MPPED2: variants seen among roughly 807,000 people sequenced by gnomAD.
The protein encoded by MPPED2 is metallophosphoesterase domain containing 2, also known as metallophosphoesterase MPPED2.
A neutral mutation model predicts 33.0 loss-of-function variants in MPPED2; 5 were observed. The ratio of observed to expected loss-of-function variants is 0.15; its 90% CI spans 0.08 to 0.32. The LOEUF (loss-of-function observed/expected upper bound fraction) is 0.32. MPPED2 is among the 10% of genes least tolerant of loss of function. The pLI is 1.00. For synonymous variants in MPPED2, 136 were observed against 141.9 expected, an observed-to-expected ratio of 0.96 and a Z score of 0.29; for missense variants, 275 against 372.1, an observed-to-expected ratio of 0.74 and a Z score of 2.15.
chr11:30,586,024 C>G lies in MPPED2; in HGVS notation c.-122+18G>C, dbSNP rs1428260924. The G allele has an allele frequency of 1.3e-5, 2 of 152,432 alleles. No individual in the cohort carries two copies. The highest frequency in any genetic ancestry group is 3.9e-4 in the East Asian group (2 of 5,134). The allele number at this position is 152,432 out of a possible 1,614,324, so 9.4% of individuals were successfully genotyped here. The stretch of plus-strand genomic sequence containing the variant: ...TCCCCCTCCCCCGCCCTCCGCCTCC[C>G]TTCCCGGGGCGGATTACCTTTCCCG... On this transcript the variant is annotated intron_variant, in intron 1 of 6. Coordinates refer to ENST00000358117, the MANE Select transcript of MPPED2 (RefSeq NM_001584.3). The surrounding 1 kb of genome is among the most constrained non-coding windows in gnomAD (Gnocchi z 4.8).
At chr11:30,504,638 C>T (rs900443048) in intron 3 of MPPED2, 3 of 525,740 alleles carry the variant, frequency 5.7e-6, no homozygotes, top group East Asian at 1.4e-4. Flanking sequence ...CCACCAGAAA[C>T]ATTCAGTCAG....
intron 6 of MPPED2, among the ~76,000 whole-genome samples, chr11:30,403,133 G>C (rs547603777): frequency 2.0e-4 from 31 of 152,180 alleles, no homozygotes; most frequent in African/African-American, 6.0e-4. Context: ...TGTAGTCCCA[G>C]CTACTCGCGA....
At chr11:30,501,644 G>C in intron 3 of MPPED2, 1 of 977,676 alleles carries the variant, frequency 1.0e-6, no homozygotes, top group African/African-American at 1.7e-5. Context: ...TTTCTCTCAA[G>C]AGTGACTACT....
intron 4 of MPPED2, among the ~76,000 whole-genome samples, chr11:30,476,391 T>A (rs191309068): frequency 0.015 from 2,283 of 152,114 alleles, 63 homozygotes; most frequent in African/African-American, 0.05. Flanking sequence ...TTTCATTTTT[T>A]AAAAAAATTT....
intron 2 of MPPED2, among the ~76,000 whole-genome samples, chr11:30,577,010 C>G (rs1179792244): frequency 6.6e-6 from 1 of 152,140 alleles, no homozygotes; most frequent in East Asian, 1.9e-4. Flanking sequence ...TTTGAAACAT[C>G]AGCTCTGAAA....
chr11:30,577,627 C>A (rs577559441), intron 2 of MPPED2, among the ~76,000 whole-genome samples: 3 of 152,250 alleles, frequency 2.0e-5, no homozygotes, highest in African/African-American at 7.2e-5. Flanking sequence ...CTTAACATAA[C>A]AGAAATATGA....
intron 3 of MPPED2, among the ~76,000 whole-genome samples, chr11:30,522,387 TACACACACACACACACACAC>T (rs60549510): frequency 6.8e-6 from 1 of 146,282 alleles, no homozygotes; most frequent in African/African-American, 2.5e-5. Flanking sequence ...CAGGAAAACA[TACACACACACACACACACAC>T]ACACACACAC....
At chr11:30,485,308 C>T (rs1295332715) in intron 4 of MPPED2, among the ~76,000 whole-genome samples, 2 of 148,132 alleles carry the variant, frequency 1.4e-5, no homozygotes, top group South Asian at 2.2e-4. Context: ...AACAATTTTA[C>T]GTCTGGTACC....
At chr11:30,527,322 T>C (rs1954250609) in intron 3 of MPPED2, among the ~76,000 whole-genome samples, 1 of 152,070 alleles carries the variant, frequency 6.6e-6, no homozygotes, top group South Asian at 2.1e-4. Context: ...ATCAGAAATC[T>C]TAAATGTGTG....
chr11:30,559,725 A>T (rs556487208), intron 2 of MPPED2, among the ~76,000 whole-genome samples: 83 of 152,206 alleles, frequency 5.5e-4, no homozygotes, highest in Non-Finnish European at 9.0e-4. Context: ...TTTTTATTCC[A>T]TGTGAGGCAT....
At chr11:30,399,903 A>C (rs142679950) in intron 6 of MPPED2, among the ~76,000 whole-genome samples, 12 of 152,350 alleles carry the variant, frequency 7.9e-5, no homozygotes, top group African/African-American at 1.2e-4. Context: ...TCTGACAGCA[A>C]AGACAGACTG....
intron 4 of MPPED2, among the ~76,000 whole-genome samples, chr11:30,419,012 C>A (rs540212696): frequency 6.6e-6 from 1 of 152,292 alleles, no homozygotes; most frequent in Admixed American, 6.5e-5. Context: ...AAAGGAGAAA[C>A]TAGGAAAGTA....
At chr11:30,449,305 C>A (rs1390027411) in intron 4 of MPPED2, among the ~76,000 whole-genome samples, 1 of 152,194 alleles carries the variant, frequency 6.6e-6, no homozygotes, top group Admixed American at 6.5e-5. Flanking sequence ...CCACCCCCAA[C>A]TATGCCGCTT....
At chr11:30,552,232 T>C (rs796818423) in intron 2 of MPPED2, among the ~76,000 whole-genome samples, 1 of 152,180 alleles carries the variant, frequency 6.6e-6, no homozygotes. Context: ...GTTAATCTGG[T>C]CAAACAGGAG....
intron 4 of MPPED2, among the ~76,000 whole-genome samples, chr11:30,422,432 T>C (rs780780950): frequency 1.3e-5 from 2 of 152,190 alleles, no homozygotes; most frequent in Admixed American, 1.3e-4. Context: ...TTACCTAAAC[T>C]GCTTGTGAGG....
intron 4 of MPPED2, among the ~76,000 whole-genome samples, chr11:30,423,645 T>C (rs1175231771): frequency 6.6e-6 from 1 of 152,232 alleles, no homozygotes; most frequent in Non-Finnish European, 1.5e-5. Context: ...TGGCCAATTA[T>C]TGGCTTCTCT....
chr11:30,546,267 C>T (rs7940771), intron 2 of MPPED2, among the ~76,000 whole-genome samples: 34,723 of 151,992 alleles, frequency 0.23, 4,289 homozygotes, highest in East Asian at 0.41. Context: ...TTTCCAAACA[C>T]TGCCCGGCCT....
chr11:30,465,328 C>T (rs1452823729), intron 4 of MPPED2, among the ~76,000 whole-genome samples: 3 of 152,172 alleles, frequency 2.0e-5, no homozygotes, highest in East Asian at 3.9e-4. Context: ...CACTCTGTCT[C>T]CCAGGCTGGA....
intron 4 of MPPED2, among the ~76,000 whole-genome samples, chr11:30,487,339 G>T (rs535400236): frequency 3.5e-4 from 54 of 152,318 alleles, no homozygotes; most frequent in Non-Finnish European, 4.7e-4. Flanking sequence ...GCCCAGGGCT[G>T]CTGTCTCTCT....
Sources: allele counts gnomAD v4.1 joint callset (sites outside exome capture counted in the v4.1 genomes callset), GRCh38; gene constraint gnomAD v4.1.1; non-coding constraint Gnocchi (gnomAD v3.1); transcripts MANE v1.5; gene names NCBI Gene and HGNC (gene_info 2026-07-23, HGNC 2026-07-21).